PIR: variants seen among roughly 807,000 people sequenced by gnomAD.
PIR encodes the protein pirin (iron-binding nuclear protein).
PIR carries 22 observed loss-of-function variants against 24.2 expected under a neutral mutation model. That is an observed-to-expected ratio of 0.91 (90% CI 0.65 to 1.30). The LOEUF is 1.30. PIR is among the 50% of genes most tolerant of loss of function. The pLI, the probability that PIR is intolerant of heterozygous loss-of-function variation, is 0.00. For missense variants in PIR, 220 were observed against 220.3 expected (o/e 1.00, Z 0.01); for synonymous variants, 80 against 79.6 (o/e 1.00, Z -0.03).
rs145517723 is a variant in PIR at position 15,486,533 on chromosome X, T to C, written c.96+4629A>G. On this transcript the variant is annotated intron_variant, in intron 2 of 9. Transcript: ENST00000380420. The stretch of plus-strand genomic sequence containing the variant: ...CCATAATATACTGAGTGGTACTTGT[T>C]TTAGGTCCATGGCATCTCTTGTAGC... Among the ~76,000 whole-genome samples, 391 of 111,414 alleles carry C rather than the reference T, an allele frequency of 3.5e-3. 1 individual carries two copies. Among genetic ancestry groups the C allele is most frequent in the African/African-American group, 0.012 (378 of 30,625 alleles).
At chrX:15,425,734 A>T (rs1413440274) in intron 6 of PIR, among the ~76,000 whole-genome samples, 172 bp downstream of exon 6, 1 of 112,406 alleles carries the variant, frequency 8.9e-6, no homozygotes. Flanking sequence ...TTAACTTGGA[A>T]GGTCCCAGCA....
At chrX:15,447,685 CA>C (rs1361867029) in intron 5 of PIR, among the ~76,000 whole-genome samples, 4 of 111,971 alleles carry the variant, frequency 3.6e-5, no homozygotes, top group African/African-American at 1.3e-4. Context: ...GCTTTTAATG[CA>C]ACATGCAAGA....
At chrX:15,457,748 G>C (rs1921141512) in intron 4 of PIR, among the ~76,000 whole-genome samples, 1 of 112,343 alleles carries the variant, frequency 8.9e-6, no homozygotes, top group African/African-American at 3.2e-5. Context: ...ATGAAGTCTA[G>C]ATTTCCCTCT....
At chrX:15,392,355 T>A (rs1350487237) in intron 8 of PIR, among the ~76,000 whole-genome samples, 1 of 111,716 alleles carries the variant, frequency 9.0e-6, no homozygotes, top group Non-Finnish European at 1.9e-5. Context: ...AATGAAGCCT[T>A]CAAAATTTTT....
intron 9 of PIR, 64 bp from the exon 10 acceptor site, chrX:15,385,180 G>T: frequency 1.9e-6 from 1 of 536,501 alleles, no homozygotes; most frequent in South Asian, 3.0e-5. Flanking sequence ...CACTAGAAAT[G>T]ATATATATTT....
chrX:15,400,900 G>A (rs1437577186), intron 7 of PIR, among the ~76,000 whole-genome samples: 3 of 107,851 alleles, frequency 2.8e-5, no homozygotes, highest in East Asian at 2.9e-4. Flanking sequence ...CACCAAGCCC[G>A]GCTAATTTTT....
At chrX:15,474,131 C>G (rs1569210314) in intron 3 of PIR, among the ~76,000 whole-genome samples, 1 of 112,055 alleles carries the variant, frequency 8.9e-6, no homozygotes, top group Non-Finnish European at 1.9e-5. Context: ...TCCAGAATCA[C>G]AGCAGATTCA....
At chrX:15,490,344 C>A (rs1182487354) in intron 2 of PIR, among the ~76,000 whole-genome samples, 1 of 111,527 alleles carries the variant, frequency 9.0e-6, no homozygotes, top group Non-Finnish European at 1.9e-5. Flanking sequence ...AGTTGAGCAA[C>A]AAAGTAGCAT....
At chrX:15,419,620 G>T (rs1163966553) in intron 6 of PIR, among the ~76,000 whole-genome samples, 1 of 111,544 alleles carries the variant, frequency 9.0e-6, no homozygotes, top group Non-Finnish European at 1.9e-5. Context: ...TTGAGGCCGG[G>T]TGTGGTAGTT....
At chrX:15,410,893 A>G (rs1439604876) in intron 6 of PIR, among the ~76,000 whole-genome samples, 1 of 112,367 alleles carries the variant, frequency 8.9e-6, no homozygotes, top group Non-Finnish European at 1.9e-5. Context: ...AATTTCCACT[A>G]AGCTTTGTTT....
In PIR at chrX:15,439,893, G is replaced by A. The variant is rs1314112585; in HGVS notation, c.481-13903C>T. ...TAATAACATGACAGTGAGATTTTCT[G>A]TCATATGTTGGGCTTTTTAGAATCC... On this transcript the variant is annotated intron_variant, in intron 5 of 9. Coordinates refer to ENST00000380420, the MANE Select transcript of PIR (RefSeq NM_001018109.3). Among the ~76,000 whole-genome samples, 8 of 111,887 alleles carry A rather than the reference G, an allele frequency of 7.2e-5. No homozygotes were observed. The East Asian group carries it at 1.7e-3, about 24-fold the overall frequency.
Position 15,484,307 on chromosome X carries a change from T to TTTC in PIR, c.97-4487_97-4486insGAA, listed in dbSNP as rs1491209235. 6.7e-4 allele frequency among the ~76,000 whole-genome samples: 8 copies of TTTC among 11,907 alleles called. No homozygotes were observed. The East Asian group carries it at 0.058, about 87-fold the overall frequency. The allele number at this position is 11,907 out of a possible 115,157, so 10.3% of individuals were successfully genotyped here. ...AGCGGTAGATACAGTCTCAATTTTC[T>TTTC]TTTTTTTTTTTTTTTTTTTTTTTTT... On this transcript the variant is annotated intron_variant, in intron 2 of 9. Coordinates refer to ENST00000380420, the MANE Select transcript of PIR (RefSeq NM_001018109.3).
intron 3 of PIR, among the ~76,000 whole-genome samples, chrX:15,474,542 A>C (rs1922097286): frequency 8.9e-6 from 1 of 112,262 alleles, no homozygotes; most frequent in South Asian, 3.7e-4. Context: ...GCCATTTACT[A>C]ATAGGTTTTG....
In PIR at chrX:15,427,657, A is replaced by C. The variant is rs759921314; in HGVS notation, c.481-1667T>G. 3.6e-4 allele frequency among the ~76,000 whole-genome samples: 40 copies of C among 109,633 alleles called. No homozygotes were observed. The South Asian group carries it at 0.016, about 43-fold the overall frequency. On this transcript the variant is annotated intron_variant, in intron 5 of 9. Coordinates refer to ENST00000380420, the MANE Select transcript of PIR (RefSeq NM_001018109.3). ...TTATTGACAGTAGATATATGTATAT[A>C]TGAAGATATATATGAATATATGTAC...
At chrX:15,479,342 T>C (rs1922375517) in intron 3 of PIR, among the ~76,000 whole-genome samples, 1 of 109,965 alleles carries the variant, frequency 9.1e-6, no homozygotes, top group Non-Finnish European at 1.9e-5. Flanking sequence ...CAGGTTTTTT[T>C]CTTTCTTTTT....
Position 15,485,979 on chromosome X carries a change from ATTTCT to A in PIR, c.96+5178_96+5182del, listed in dbSNP as rs546449817. ...TTTAACGTTTTTGAGCCACATGAGA[ATTTCT>A]TTTCATTCAAATAGTTCTAAATCCT... is the stretch of plus-strand genomic sequence containing the variant. On this transcript the variant is annotated intron_variant, in intron 2 of 9. Coordinates refer to ENST00000380420, the MANE Select transcript of PIR (RefSeq NM_001018109.3). Among the ~76,000 whole-genome samples, 38 of 111,414 alleles carry A rather than the reference ATTTCT, an allele frequency of 3.4e-4. No homozygotes were observed. The South Asian group carries it at 0.013, about 39-fold the overall frequency.
At chrX:15,393,939 T>C (rs772072858) in intron 8 of PIR, among the ~76,000 whole-genome samples, 2 of 109,656 alleles carry the variant, frequency 1.8e-5, no homozygotes, top group Admixed American at 9.9e-5. Context: ...TATATTACAA[T>C]GTAATAATAA....
At chrX:15,408,806 G>A (rs1367912293) in intron 6 of PIR, among the ~76,000 whole-genome samples, 1 of 111,971 alleles carries the variant, frequency 8.9e-6, no homozygotes, top group Non-Finnish European at 1.9e-5. Flanking sequence ...AAACAAAGGC[G>A]AGTGCAGAAG....
chrX:15,428,267 ATC>A (rs1345700064), intron 5 of PIR, among the ~76,000 whole-genome samples: 1 of 112,074 alleles, frequency 8.9e-6, no homozygotes, highest in Non-Finnish European at 1.9e-5. Context: ...GGGGCACAGG[ATC>A]TGATTCTCTA....
Sources: allele counts gnomAD v4.1 joint callset (sites outside exome capture counted in the v4.1 genomes callset), GRCh38; gene constraint gnomAD v4.1.1; transcripts MANE v1.5; gene names NCBI Gene and HGNC (gene_info 2026-07-23, HGNC 2026-07-21).